PAK5: variants seen among roughly 807,000 people sequenced by gnomAD.
PAK5 encodes p21 (RAC1) activated kinase 5.
PAK5 carries 16 observed loss-of-function variants against 65.9 expected under a neutral mutation model. The observed-to-expected ratio is 0.24, with a 90% confidence interval of 0.16 to 0.37. The LOEUF (loss-of-function observed/expected upper bound fraction) is 0.37. PAK5 is among the 10% of genes least tolerant of loss of function. The pLI is 1.00. For missense variants in PAK5, 785 were observed against 903.9 expected (o/e 0.87, Z 1.69); for synonymous variants, 371 against 354.9 (o/e 1.05, Z -0.51).
chr20:9,759,415 T>G (rs2048672937), intron 1 of PAK5, among the ~76,000 whole-genome samples: 1 of 152,150 alleles, frequency 6.6e-6, no homozygotes, highest in South Asian at 2.1e-4. Flanking sequence ...TTTTGAGAAG[T>G]ATTCAGCTAA....
intron 7 of PAK5, among the ~76,000 whole-genome samples, chr20:9,549,470 G>A (rs935459052): frequency 1.3e-5 from 2 of 152,172 alleles, no homozygotes; most frequent in Non-Finnish European, 2.9e-5. Flanking sequence ...GAAGGGGCTG[G>A]AGTGATGGGG....
intron 2 of PAK5, among the ~76,000 whole-genome samples, chr20:9,680,515 T>C (rs1422089133): frequency 6.6e-6 from 1 of 152,136 alleles, no homozygotes; most frequent in Non-Finnish European, 1.5e-5. Context: ...TACCCCAGGG[T>C]GGTCCCATCT....
intron 3 of PAK5, among the ~76,000 whole-genome samples, chr20:9,636,239 T>C (rs1443559486): frequency 6.6e-6 from 1 of 152,144 alleles, no homozygotes; most frequent in Non-Finnish European, 1.5e-5. Flanking sequence ...CTAAATACAA[T>C]GCAAAATTGA....
At chr20:9,766,515 CAAGCAGAATATATATAT>C (rs2048769437) in intron 1 of PAK5, among the ~76,000 whole-genome samples, 1 of 32,050 alleles carries the variant, frequency 3.1e-5, no homozygotes, top group African/African-American at 3.0e-4. Context: ...TATATATATT[CAAGCAGAATATATATAT>C]ATATATATAT....
intron 1 of PAK5, among the ~76,000 whole-genome samples, chr20:9,791,414 C>T (rs1341326844): frequency 6.6e-6 from 1 of 152,102 alleles, no homozygotes; most frequent in Non-Finnish European, 1.5e-5. Flanking sequence ...ACTTTGATTC[C>T]TGCCTTTCTG....
intron 3 of PAK5, among the ~76,000 whole-genome samples, chr20:9,623,059 A>G (rs6118672): frequency 0.91 from 137,957 of 152,264 alleles, 62,617 homozygotes; most frequent in East Asian, 1. Flanking sequence ...AAATGAGTCC[A>G]TCAACATCTA....
intron 1 of PAK5, among the ~76,000 whole-genome samples, chr20:9,744,085 T>C (rs765726862): frequency 6.6e-6 from 1 of 152,188 alleles, no homozygotes; most frequent in Admixed American, 6.5e-5. Context: ...CACCAGAAGC[T>C]GGAAGAAGCA....
intron 2 of PAK5, among the ~76,000 whole-genome samples, chr20:9,682,805 G>T (rs1316618205): frequency 3.9e-5 from 6 of 152,158 alleles, no homozygotes; most frequent in East Asian, 1.9e-4. Flanking sequence ...GCAAGAGGGG[G>T]TTGCCATATT....
At chr20:9,663,473 GA>G (rs1176136381) in intron 2 of PAK5, among the ~76,000 whole-genome samples, 1 of 151,966 alleles carries the variant, frequency 6.6e-6, no homozygotes, top group Non-Finnish European at 1.5e-5. Flanking sequence ...TCAAATCTTT[GA>G]AAAATGCCAA....
intron 3 of PAK5, among the ~76,000 whole-genome samples, chr20:9,642,492 T>C (rs568896782): frequency 6.6e-6 from 1 of 152,318 alleles, no homozygotes; most frequent in South Asian, 2.1e-4. Flanking sequence ...TGATAAATAG[T>C]AGAAGACTTT....
At chr20:9,818,371 G>A (rs1268996741) in intron 1 of PAK5, among the ~76,000 whole-genome samples, 1 of 152,206 alleles carries the variant, frequency 6.6e-6, no homozygotes, top group Non-Finnish European at 1.5e-5. Flanking sequence ...GCTGTGTTCA[G>A]AGTTAAGCTC....
At chr20:9,673,408 G>T (rs2047527427) in intron 2 of PAK5, among the ~76,000 whole-genome samples, 1 of 152,162 alleles carries the variant, frequency 6.6e-6, no homozygotes, top group African/African-American at 2.4e-5. Context: ...CAATAGAGTA[G>T]CCGTGAGCTA....
chr20:9,576,122 C>T (rs769144313), intron 4 of PAK5, among the ~76,000 whole-genome samples: 2 of 151,922 alleles, frequency 1.3e-5, no homozygotes, highest in Non-Finnish European at 2.9e-5. Flanking sequence ...AGTAATTAAG[C>T]TGCTGTAATT....
intron 1 of PAK5, among the ~76,000 whole-genome samples, chr20:9,773,569 A>C (rs553269479): frequency 1.3e-5 from 2 of 152,306 alleles, no homozygotes. Context: ...CAAGTTACAC[A>C]TTGACTTGAT....
intron 1 of PAK5, among the ~76,000 whole-genome samples, chr20:9,825,480 A>C (rs2049473305): frequency 6.6e-6 from 1 of 152,182 alleles, no homozygotes; most frequent in African/African-American, 2.4e-5. Flanking sequence ...TATATTTTCC[A>C]GATGATAATA....
At position 9,655,169 on chromosome 20, in the gene PAK5, AC is replaced by A. The variant is rs536480247; in HGVS notation, c.-11-10831del. Among the ~76,000 whole-genome samples the A allele has an allele frequency of 2.5e-4, 38 of 152,226 alleles. No homozygotes were observed. In the South Asian group the frequency reaches 3.1e-3, roughly 12 times the overall value. On this transcript the variant is annotated intron_variant, in intron 2 of 9. Coordinates refer to ENST00000353224, the MANE Select transcript of PAK5 (RefSeq NM_177990.4). ...GTCTGTATTATGCTCTCTCTCCTAA[AC>A]TTTTTCTATGACTTCTCATTGTCAT...
At chr20:9,610,232 A>G (rs1048388783) in intron 3 of PAK5, among the ~76,000 whole-genome samples, 1 of 152,238 alleles carries the variant, frequency 6.6e-6, no homozygotes, top group Non-Finnish European at 1.5e-5. Flanking sequence ...TGTCTTCAGA[A>G]TTGGTATAGC....
chr20:9,704,499 T>C (rs985606525), intron 2 of PAK5, among the ~76,000 whole-genome samples: 4 of 152,166 alleles, frequency 2.6e-5, no homozygotes, highest in African/African-American at 4.8e-5. Context: ...TGCTGCTGCC[T>C]GCCTGCCAGG....
intron 3 of PAK5, among the ~76,000 whole-genome samples, chr20:9,582,980 C>T (rs926778041): frequency 6.6e-6 from 1 of 152,106 alleles, no homozygotes; most frequent in South Asian, 2.1e-4. Context: ...TCTGTCCCTA[C>T]AAGAAGCTCC....
Sources: allele counts gnomAD v4.1 joint callset (sites outside exome capture counted in the v4.1 genomes callset), GRCh38; gene constraint gnomAD v4.1.1; transcripts MANE v1.5; gene names NCBI Gene and HGNC (gene_info 2026-07-23, HGNC 2026-07-21).